The following SMIM14 variants were observed in gnomAD, a reference collection of about 807,000 sequenced individuals.
SMIM14 encodes the protein small integral membrane protein 14, also known as chromosome 4 open reading frame 34.
Under a neutral mutation model 12.6 loss-of-function variants are expected in SMIM14, and 5 were observed. That is an observed-to-expected ratio of 0.40 (90% confidence interval 0.21 to 0.83). SMIM14 has a LOEUF of 0.83. Ranked by LOEUF, SMIM14 falls within the 40% of genes least tolerant of loss-of-function variation. The pLI is 0.37. For synonymous variants in SMIM14, 30 were observed against 40.1 expected, an observed-to-expected ratio of 0.75 and a Z score of 0.95; for missense variants, 86 against 119.1, an observed-to-expected ratio of 0.72 and a Z score of 1.29.
intron 3 of SMIM14, among the ~76,000 whole-genome samples, chr4:39,571,203 T>C (rs956210850): frequency 6.6e-6 from 1 of 152,052 alleles, no homozygotes; most frequent in Admixed American, 6.6e-5. Flanking sequence ...CTGATGCGCA[T>C]GTTAATGTCA....
intron 1 of SMIM14, among the ~76,000 whole-genome samples, chr4:39,618,426 G>C (rs1208710227): frequency 6.6e-6 from 1 of 151,888 alleles, no homozygotes; most frequent in African/African-American, 2.4e-5. Flanking sequence ...AGGTGGGTGG[G>C]TCACGAGGTC....
At chr4:39,629,571 C>A (rs1715831397) in intron 1 of SMIM14, among the ~76,000 whole-genome samples, 3 of 151,204 alleles carry the variant, frequency 2.0e-5, no homozygotes, top group Non-Finnish European at 4.4e-5. Context: ...ACCCCCCAAG[C>A]AGCTAGGACT....
chr4:39,562,211 C>CA (rs1382041621), intron 3 of SMIM14, among the ~76,000 whole-genome samples: 3 of 151,032 alleles, frequency 2.0e-5, no homozygotes, highest in African/African-American at 4.9e-5. Context: ...CCTGTCTCTA[C>CA]AAAAAAAATT....
chr4:39,607,018 T>C (rs1714838332), intron 1 of SMIM14, among the ~76,000 whole-genome samples: 1 of 151,792 alleles, frequency 6.6e-6, no homozygotes, highest in African/African-American at 2.4e-5. Flanking sequence ...AAAAATGAAA[T>C]AATAGAAAAA....
chr4:39,566,967 A>AAAAAAAC (rs1009901254), intron 3 of SMIM14, among the ~76,000 whole-genome samples: 2 of 151,600 alleles, frequency 1.3e-5, no homozygotes, highest in African/African-American at 4.8e-5. Context: ...CTCCATCTCA[A>AAAAAAAC]AAAAAACAAA....
chr4:39,619,263 TA>T (rs1348604565), intron 1 of SMIM14, among the ~76,000 whole-genome samples: 1 of 122,128 alleles, frequency 8.2e-6, no homozygotes, highest in Non-Finnish European at 1.6e-5. Context: ...TATATATCAA[TA>T]AATATAATTT....
chr4:39,556,534 G>A lies in SMIM14; in HGVS notation c.161C>T (p.Thr54Ile), dbSNP rs751933209. 20 of 1,612,756 alleles carry A rather than the reference G, an allele frequency of 1.2e-5. No individual in the cohort carries two copies. Among genetic ancestry groups the A allele is most frequent in the Middle Eastern group, 1.6e-4 (1 of 6,084 alleles). ...AACCATCCAGGCTACCAAGATCATT[G>A]TAACACTGATGCCATTATCACCAGA... Reference protein sequence around the residue: ...GPSGDNGISVTMILVAWMVIA... With the variant: ...GPSGDNGISVIMILVAWMVIA... Residue 54 changes from threonine (T) to isoleucine (I), a missense_variant, in exon 4 of 5, where the codon ACA becomes ATA. Physicochemically the swap from Thr to Ile is moderately conservative, Grantham distance 89. Coordinates refer to ENST00000295958, the MANE Select transcript of SMIM14 (RefSeq NM_174921.3).
chr4:39,629,002 G>A (rs1715810015), intron 1 of SMIM14, among the ~76,000 whole-genome samples: 1 of 151,354 alleles, frequency 6.6e-6, no homozygotes, highest in Admixed American at 6.6e-5. Context: ...CAAAGTGCTG[G>A]GATTACAGGC....
intron 2 of SMIM14, among the ~76,000 whole-genome samples, chr4:39,581,000 T>C (rs1713465646): frequency 6.6e-6 from 1 of 152,160 alleles, no homozygotes; most frequent in South Asian, 2.1e-4. Flanking sequence ...CATTGCAATA[T>C]TATAGCTAAT....
intron 1 of SMIM14, among the ~76,000 whole-genome samples, chr4:39,614,045 T>G (rs775526169): frequency 1.4e-4 from 21 of 151,688 alleles, no homozygotes; most frequent in Non-Finnish European, 2.4e-4. Flanking sequence ...ATACAAAAAT[T>G]TGCTGGGCAT....
At chr4:39,562,535 C>CTGG (rs1383424374) in intron 3 of SMIM14, among the ~76,000 whole-genome samples, 1 of 152,192 alleles carries the variant, frequency 6.6e-6, no homozygotes, top group Non-Finnish European at 1.5e-5. Flanking sequence ...GTCTCCCAGG[C>CTGG]TGGAGTGCAG....
At chr4:39,591,315 G>A (rs1343894250) in intron 2 of SMIM14, among the ~76,000 whole-genome samples, 2 of 151,974 alleles carry the variant, frequency 1.3e-5, no homozygotes, top group East Asian at 3.8e-4. Context: ...CGTGATATGA[G>A]ATAATACCTC....
intron 3 of SMIM14, among the ~76,000 whole-genome samples, chr4:39,560,889 T>A (rs1712277018): frequency 1.3e-5 from 2 of 152,084 alleles, no homozygotes; most frequent in Non-Finnish European, 2.9e-5. Flanking sequence ...AAATATCACT[T>A]GTATCTGCCC....
rs144418791 is a variant in SMIM14, at chr4:39,599,329, A to AT, written c.75+5741dup. On this transcript the variant is annotated intron_variant, in intron 2 of 4. Transcript: ENST00000295958. Reference sequence around the variant, plus strand: ...GATCACACAGGACCATGTAAATTTCATTTTTTTTTACTCTGAGTCTCATGG... The same window carrying AT: ...GATCACACAGGACCATGTAAATTTCATTTTTTTTTTACTCTGAGTCTCATGG... 1.6e-3 allele frequency among the ~76,000 whole-genome samples: 244 copies of AT among 150,928 alleles called. 2 individuals carry two copies. Among genetic ancestry groups the AT allele is most frequent in the African/African-American group, 5.1e-3 (209 of 41,092 alleles).
At chr4:39,569,221 C>T (rs1383969426) in intron 3 of SMIM14, among the ~76,000 whole-genome samples, 1 of 152,184 alleles carries the variant, frequency 6.6e-6, no homozygotes, top group African/African-American at 2.4e-5. Context: ...CTATTGCTTT[C>T]TTGTCTTGAA....
intron 1 of SMIM14, among the ~76,000 whole-genome samples, chr4:39,628,488 C>T (rs1464503066): frequency 6.6e-6 from 1 of 151,856 alleles, no homozygotes; most frequent in Admixed American, 6.6e-5. Flanking sequence ...GCCGGGCCAA[C>T]ATGGTGAAAC....
intron 1 of SMIM14, chr4:39,611,869 C>T (rs1715048600): frequency 6.6e-6 from 1 of 152,158 alleles, no homozygotes; most frequent in Admixed American, 6.5e-5. Context: ...TAGATTTCTA[C>T]ATGGTGATTT....
chr4:39,567,621 C>T (rs936601650), intron 3 of SMIM14, among the ~76,000 whole-genome samples: 1 of 152,022 alleles, frequency 6.6e-6, no homozygotes, highest in Non-Finnish European at 1.5e-5. Context: ...CCTATAATCC[C>T]AGCTACTCAG....
At chr4:39,613,957 G>A (rs1025688791) in intron 1 of SMIM14, among the ~76,000 whole-genome samples, 3 of 152,020 alleles carry the variant, frequency 2.0e-5, no homozygotes, top group Non-Finnish European at 4.4e-5. Context: ...TTGGGAGGCC[G>A]AGGTGGGTAG....
Sources: allele counts gnomAD v4.1 joint callset (sites outside exome capture counted in the v4.1 genomes callset), GRCh38; gene constraint gnomAD v4.1.1; transcripts MANE v1.5; gene names NCBI Gene and HGNC (gene_info 2026-07-23, HGNC 2026-07-21).